Variants in REEP1 observed in about 807,000 individuals in gnomAD.
The protein encoded by REEP1 is receptor accessory protein 1.
A neutral mutation model predicts 40.3 loss-of-function variants in REEP1; 22 were observed. That is an observed-to-expected ratio of 0.55 (90% CI 0.39 to 0.78). REEP1 has a LOEUF of 0.78. Ranked by LOEUF, REEP1 falls within the 30% of genes least tolerant of loss-of-function variation. REEP1 has a pLI of 0.00. For missense variants in REEP1, 280 were observed against 361.1 expected, an observed-to-expected ratio of 0.78 and a Z score of 1.82; for synonymous variants, 116 against 139.2, an observed-to-expected ratio of 0.83 and a Z score of 1.17.
chr2:86,255,018 C>T (rs542658205), intron 3 of REEP1: 3 of 512,108 alleles, frequency 5.9e-6, no homozygotes, highest in South Asian at 2.9e-5. Context: ...TCTTTGAAAA[C>T]CAGTTCGTGT....
chr2:86,288,032 A>ATTATTTTTTTTTTTTTTTTTTTTT (rs1558916454), intron 1 of REEP1, among the ~76,000 whole-genome samples: 3 of 149,750 alleles, frequency 2.0e-5, no homozygotes, highest in African/African-American at 7.6e-5. Context: ...TATTTTTATT[A>ATTATTTTTTTTTTTTTTTTTTTTT]TTTTTTTGAG....
At chr2:86,282,978 G>T (rs1434801049) in intron 1 of REEP1, among the ~76,000 whole-genome samples, 1 of 152,118 alleles carries the variant, frequency 6.6e-6, no homozygotes, top group Non-Finnish European at 1.5e-5. Context: ...GCCTTTGCCT[G>T]TGCTGTTCTC....
intron 1 of REEP1, among the ~76,000 whole-genome samples, chr2:86,284,422 CA>C (rs1351758343): frequency 6.6e-6 from 1 of 152,162 alleles, no homozygotes; most frequent in Non-Finnish European, 1.5e-5. Flanking sequence ...AGGAAGGGCT[CA>C]GTAAGTACGT....
At chr2:86,223,902 G>GA (rs763220750) in intron 7 of REEP1, 116 of 136,950 alleles carry the variant, frequency 8.5e-4, no homozygotes, top group African/African-American at 2.1e-3. Flanking sequence ...GGTAGGCAGA[G>GA]AAAAAAAAAA....
intron 8 of REEP1, 83 bp downstream of exon 8, chr2:86,219,887 G>C: frequency 3.6e-6 from 4 of 1,110,652 alleles, no homozygotes; most frequent in Non-Finnish European, 3.4e-6. Context: ...TGCCCCAAGA[G>C]ATGCTGCTCC....
At chr2:86,222,775 C>A (rs1041724530) in intron 7 of REEP1, among the ~76,000 whole-genome samples, 1 of 152,182 alleles carries the variant, frequency 6.6e-6, no homozygotes, top group African/African-American at 2.4e-5. Flanking sequence ...AGACCTAACT[C>A]CTTTTTATAT....
chr2:86,273,888 T>C (rs1007501658), intron 2 of REEP1, among the ~76,000 whole-genome samples: 2 of 152,192 alleles, frequency 1.3e-5, no homozygotes, highest in African/African-American at 4.8e-5. Flanking sequence ...TCCCTGAGGG[T>C]GGAGACCAGT....
rs886056409 is a variant in REEP1 at position 86,216,646 on chromosome 2, CTG to C, written c.*391_*392del. The C allele has an allele frequency of 3.5e-5, 6 of 171,414 alleles. No individual in the cohort carries two copies. Among genetic ancestry groups the C allele is most frequent in the Non-Finnish European group, 5.1e-5 (4 of 79,088 alleles). 10.6% of individuals were successfully genotyped at this position (171,414 alleles called of 1,614,324 possible). A position where few individuals can be genotyped will look rare whatever the true frequency, so the allele number is the denominator to read the frequency against. ...AGAACAAAGAAAGTTGTAAAAAATGCTGTGTTTGCATTTACAGGACTAAAAAC... is the reference window on the plus strand; with the variant it reads ...AGAACAAAGAAAGTTGTAAAAAATGCTGTTTGCATTTACAGGACTAAAAAC... On this transcript the variant is annotated 3_prime_UTR_variant, in exon 9 of 9. Coordinates refer to ENST00000538924, the MANE Select transcript of REEP1 (RefSeq NM_001371279.1).
chr2:86,292,510 A>G (rs1172345042), intron 1 of REEP1, among the ~76,000 whole-genome samples: 1 of 152,142 alleles, frequency 6.6e-6, no homozygotes, highest in Non-Finnish European at 1.5e-5. Context: ...TTTGAAGAAG[A>G]GAGAAGATTC....
chr2:86,229,563 A>G (rs1302241696), intron 6 of REEP1, among the ~76,000 whole-genome samples: 1 of 144,788 alleles, frequency 6.9e-6, no homozygotes, highest in Non-Finnish European at 1.5e-5. Flanking sequence ...ATTCTGCCCC[A>G]TATCCACGCC....
At chr2:86,310,957 C>A (rs1311721306) in intron 1 of REEP1, among the ~76,000 whole-genome samples, 1 of 152,146 alleles carries the variant, frequency 6.6e-6, no homozygotes, top group African/African-American at 2.4e-5. Flanking sequence ...TTGGTGCTAG[C>A]AGTGTGTGCT....
chr2:86,286,538 AT>A (rs1248554446), intron 1 of REEP1, among the ~76,000 whole-genome samples: 1 of 152,174 alleles, frequency 6.6e-6, no homozygotes, highest in African/African-American at 2.4e-5. Context: ...CCCAAGGTTC[AT>A]TTTTTTGAAC....
intron 2 of REEP1, among the ~76,000 whole-genome samples, chr2:86,265,480 A>G (rs1677083330): frequency 6.6e-6 from 1 of 152,194 alleles, no homozygotes; most frequent in South Asian, 2.1e-4. Flanking sequence ...TGCTAGAACA[A>G]CACTCAACAT....
intron 2 of REEP1, among the ~76,000 whole-genome samples, chr2:86,273,880 C>T (rs995152937): frequency 6.6e-6 from 1 of 152,092 alleles, no homozygotes; most frequent in Non-Finnish European, 1.5e-5. Context: ...TTGTAAGCTC[C>T]CTGAGGGTGG....
intron 1 of REEP1, among the ~76,000 whole-genome samples, chr2:86,299,918 C>A (rs1210707555): frequency 6.6e-6 from 1 of 152,150 alleles, no homozygotes; most frequent in Non-Finnish European, 1.5e-5. Flanking sequence ...CCCTCTAATA[C>A]AAGTACACCA....
intron 2 of REEP1, among the ~76,000 whole-genome samples, chr2:86,264,286 G>A (rs186503939): frequency 1.7e-4 from 26 of 152,172 alleles, no homozygotes; most frequent in African/African-American, 5.3e-4. Context: ...AAAGTGAGCC[G>A]GGGAGACCTG....
At chr2:86,278,898 A>G (rs891359395) in intron 2 of REEP1, among the ~76,000 whole-genome samples, 3 of 152,230 alleles carry the variant, frequency 2.0e-5, no homozygotes, top group Admixed American at 2.0e-4. Flanking sequence ...CTTTCTGTTT[A>G]AGTTTTCATC....
At chr2:86,231,375 C>T (rs991241153) in intron 6 of REEP1, among the ~76,000 whole-genome samples, 4 of 152,222 alleles carry the variant, frequency 2.6e-5, no homozygotes, top group Non-Finnish European at 5.9e-5. Context: ...GTCTTAAGAC[C>T]TGCGAAGGGC....
chr2:86,223,757 CTCTCTG>C (rs1674549788), intron 7 of REEP1: 1 of 149,976 alleles, frequency 6.7e-6, no homozygotes, highest in African/African-American at 2.5e-5. Flanking sequence ...CTCTCTCTCT[CTCTCTG>C]AGAGGACAAA....
Sources: gnomAD v4.1 joint callset for allele counts (sites outside exome capture counted in the v4.1 genomes callset) on GRCh38, gnomAD v4.1.1 for gene constraint, MANE v1.5 for transcripts, NCBI Gene and HGNC (gene_info 2026-07-23, HGNC 2026-07-21) for gene names.